The following SDCCAG8 variants were observed in gnomAD, a reference collection of about 807,000 sequenced individuals.
SDCCAG8 encodes the protein SHH signaling and ciliogenesis regulator SDCCAG8.
A neutral mutation model predicts 101.8 loss-of-function variants in SDCCAG8; 74 were observed. The observed-to-expected ratio is 0.73, with a 90% CI of 0.60 to 0.88. The LOEUF (loss-of-function observed/expected upper bound fraction) is 0.88, where lower values mean the gene tolerates loss of function less well. Among genes scored for constraint, SDCCAG8 ranks in the 40% least tolerant of loss-of-function variants. The pLI is 0.00. For synonymous variants in SDCCAG8, 281 were observed against 292.9 expected, an observed-to-expected ratio of 0.96 and a Z score of 0.41; for missense variants, 787 against 822.6, an observed-to-expected ratio of 0.96 and a Z score of 0.53.
At chr1:243,342,714 T>A (rs2075449512) in intron 11 of SDCCAG8, among the ~76,000 whole-genome samples, 1 of 152,188 alleles carries the variant, frequency 6.6e-6, no homozygotes. Flanking sequence ...CACTCTGAAT[T>A]TGTAATTTTT....
At chr1:243,314,347 T>C (rs1483514731) in intron 8 of SDCCAG8, among the ~76,000 whole-genome samples, 1 of 152,228 alleles carries the variant, frequency 6.6e-6, no homozygotes, top group African/African-American at 2.4e-5. Context: ...TTTTCTGTGG[T>C]TCCATAGTCT....
chr1:243,283,114 C>T (rs1260373061), intron 4 of SDCCAG8, among the ~76,000 whole-genome samples: 5 of 152,124 alleles, frequency 3.3e-5, no homozygotes, highest in African/African-American at 1.2e-4. Context: ...TTCCAAAGTG[C>T]TGGGATTACA....
At chr1:243,384,083 A>G (rs992437598) in intron 13 of SDCCAG8, among the ~76,000 whole-genome samples, 5 of 152,180 alleles carry the variant, frequency 3.3e-5, no homozygotes, top group Admixed American at 6.5e-5. Flanking sequence ...GAGTAAATGA[A>G]TTACTCAAAG....
At chr1:243,470,590 A>C (rs1370486820) in intron 16 of SDCCAG8, among the ~76,000 whole-genome samples, 2 of 151,728 alleles carry the variant, frequency 1.3e-5, no homozygotes, top group African/African-American at 4.8e-5. Context: ...CGGTGTCAAC[A>C]ATCTTTGCTC....
intron 4 of SDCCAG8, among the ~76,000 whole-genome samples, chr1:243,279,409 A>C (rs2149275125): frequency 6.6e-6 from 1 of 152,362 alleles, no homozygotes; most frequent in Admixed American, 6.5e-5. Context: ...TGCATGGCTA[A>C]CTGGGAGCTA....
At chr1:243,331,919 C>T (rs1001653384) in intron 10 of SDCCAG8, among the ~76,000 whole-genome samples, 6 of 152,146 alleles carry the variant, frequency 3.9e-5, no homozygotes, top group Non-Finnish European at 5.9e-5. Context: ...AGTGAGTTTT[C>T]GATCATCATT....
intron 12 of SDCCAG8, chr1:243,346,332 T>A (rs1408034213): frequency 6.5e-6 from 1 of 154,232 alleles, no homozygotes; most frequent in Non-Finnish European, 1.5e-5. Context: ...CTGAAATACC[T>A]ACAATAATAT....
At chr1:243,304,088 A>G (rs1011088551) in intron 6 of SDCCAG8, among the ~76,000 whole-genome samples, 1 of 152,028 alleles carries the variant, frequency 6.6e-6, no homozygotes, top group East Asian at 1.9e-4. Flanking sequence ...AAAAAAAGTT[A>G]TACATGGATT....
In SDCCAG8 at chr1:243,380,321, A is replaced by G. The variant is rs558741772; in HGVS notation, c.1616+1458A>G. Among the ~76,000 whole-genome samples, 39 of 152,312 alleles carry G rather than the reference A, an allele frequency of 2.6e-4. No individual in the cohort carries two copies. The South Asian group carries it at 7.7e-3, about 30-fold the overall frequency. On this transcript the variant is annotated intron_variant, in intron 13 of 17. Coordinates refer to ENST00000366541, the MANE Select transcript of SDCCAG8 (RefSeq NM_006642.5). ...AGAAGTTTCAGAATTTAGCTTCATC[A>G]TGGTAATGTTAATAGTTTTTCTTTT...
chr1:243,495,297 G>A (rs111549327), intron 17 of SDCCAG8, among the ~76,000 whole-genome samples: 1,758 of 152,290 alleles, frequency 0.012, 11 homozygotes, highest in Non-Finnish European at 0.018. Flanking sequence ...CTTACGGAAC[G>A]TCCCACTTCA....
intron 1 of SDCCAG8, among the ~76,000 whole-genome samples, chr1:243,265,623 G>C (rs1367860240): frequency 3.3e-5 from 5 of 152,122 alleles, no homozygotes. Flanking sequence ...GACCAGCCTG[G>C]CCAACACGGT....
At chr1:243,426,901 A>G (rs2081379162) in intron 16 of SDCCAG8, among the ~76,000 whole-genome samples, 1 of 152,208 alleles carries the variant, frequency 6.6e-6, no homozygotes, top group African/African-American at 2.4e-5. Flanking sequence ...TAGATTTTAT[A>G]TGCTTTTTGT....
chr1:243,258,946 A>G (rs1008923922), intron 1 of SDCCAG8, among the ~76,000 whole-genome samples: 2 of 152,192 alleles, frequency 1.3e-5, no homozygotes, highest in Non-Finnish European at 2.9e-5. Flanking sequence ...AGCCTAATAA[A>G]CAGTCTTGGT....
intron 12 of SDCCAG8, among the ~76,000 whole-genome samples, chr1:243,360,203 T>C (rs1244896309): frequency 6.8e-6 from 1 of 147,158 alleles, no homozygotes; most frequent in African/African-American, 2.5e-5. Context: ...TGGAGTGCAG[T>C]GGCGCGATCT....
intron 9 of SDCCAG8, among the ~76,000 whole-genome samples, chr1:243,320,500 C>T (rs1030257057): frequency 1.6e-4 from 25 of 152,116 alleles, no homozygotes; most frequent in African/African-American, 5.8e-4. Context: ...CCTCCTCTCG[C>T]GCCCTGTCTC....
chr1:243,484,702 G>A (rs1664422820), intron 16 of SDCCAG8, among the ~76,000 whole-genome samples: 1 of 152,164 alleles, frequency 6.6e-6, no homozygotes, highest in Non-Finnish European at 1.5e-5. Context: ...AGAGCCGGGA[G>A]CATTTGTCAT....
At chr1:243,424,921 T>C (rs752877906) in intron 15 of SDCCAG8, among the ~76,000 whole-genome samples, 89 of 152,138 alleles carry the variant, frequency 5.8e-4, no homozygotes, top group Non-Finnish European at 1.1e-3. Context: ...AAGGATTTTT[T>C]TTCTTCTTTT....
In SDCCAG8 at chr1:243,300,666, G is replaced by A. The variant is rs568070575; in HGVS notation, c.676-4047G>A. Among the ~76,000 whole-genome samples the A allele has an allele frequency of 3.9e-5, 6 of 152,180 alleles. No individual in the cohort carries two copies. The South Asian group carries it at 1.2e-3, about 32-fold the overall frequency. ...CTACTTACTTTCCAAACATGGTTTG[G>A]ACAACCTCTGTGCCTTCTGCTCTAC... On this transcript the variant is annotated intron_variant, in intron 6 of 17. Coordinates refer to ENST00000366541, the MANE Select transcript of SDCCAG8 (RefSeq NM_006642.5).
chr1:243,413,339 G>A (rs2080317771), intron 13 of SDCCAG8, among the ~76,000 whole-genome samples: 1 of 152,108 alleles, frequency 6.6e-6, no homozygotes, highest in African/African-American at 2.4e-5. Flanking sequence ...CCAAGTAGCT[G>A]GGATTACAGG....
Sources: allele counts gnomAD v4.1 joint callset (sites outside exome capture counted in the v4.1 genomes callset), GRCh38; gene constraint gnomAD v4.1.1; transcripts MANE v1.5; gene names NCBI Gene and HGNC (gene_info 2026-07-23, HGNC 2026-07-21).